The following SPATA13 variants were observed in gnomAD, a reference collection of about 807,000 sequenced individuals.
The protein encoded by SPATA13 is spermatogenesis-associated protein 13.
A neutral mutation model predicts 104.0 loss-of-function variants in SPATA13; 50 were observed. The ratio of observed to expected loss-of-function variants is 0.48; its 90% CI spans 0.38 to 0.61. The LOEUF (loss-of-function observed/expected upper bound fraction) is 0.61, where lower values mean the gene tolerates loss of function less well. SPATA13 is among the 20% of genes least tolerant of loss of function. The pLI is 0.00. For missense variants in SPATA13, 1,524 were observed against 1,690.6 expected (o/e 0.90, Z 1.73); for synonymous variants, 606 against 667.5 (o/e 0.91, Z 1.42).
chr13:24,174,581 A>G (rs530460485), intron 1 of SPATA13, among the ~76,000 whole-genome samples: 1 of 151,496 alleles, frequency 6.6e-6, no homozygotes, highest in South Asian at 2.1e-4. Flanking sequence ...TTTATTTTTT[A>G]TTATCACTTT....
At chr13:24,064,725 G>A (rs966424293) in intron 3 of SPATA13, among the ~76,000 whole-genome samples, 3 of 152,114 alleles carry the variant, frequency 2.0e-5, no homozygotes, top group African/African-American at 7.2e-5. Context: ...TGTTACAGCA[G>A]CCAAACTAAA....
intron 1 of SPATA13, among the ~76,000 whole-genome samples, chr13:24,187,078 A>G (rs967979069): frequency 6.6e-6 from 1 of 152,180 alleles, no homozygotes; most frequent in Non-Finnish European, 1.5e-5. Context: ...ATGACAGCCT[A>G]GCACAAAACT....
rs200561968 is a variant in SPATA13 at position 24,294,881 on chromosome 13, C to T, written c.3210+13C>T. 513 of 1,599,538 alleles carry T rather than the reference C, an allele frequency of 3.2e-4. 2 individuals are homozygous for T. Among genetic ancestry groups the T allele is most frequent in the South Asian group, 8.8e-4 (80 of 90,694 alleles). ...CGTGGGCTGGGAGGTAAGTGGAAAG[C>T]ACCCCACATGATCCCATGCCACTCG... On this transcript the variant is annotated intron_variant, in intron 10 of 12. Coordinates refer to ENST00000382108, the MANE Select transcript of SPATA13 (RefSeq NM_001166271.3).
At chr13:24,188,114 G>GCT (rs531301105) in intron 1 of SPATA13, among the ~76,000 whole-genome samples, 584 of 152,286 alleles carry the variant, frequency 3.8e-3, no homozygotes, top group African/African-American at 0.013. Flanking sequence ...GCCAAGGCGG[G>GCT]CAGATTGCCT....
At chr13:24,041,449 A>G (rs1372271921) in intron 3 of SPATA13, among the ~76,000 whole-genome samples, 5 of 152,370 alleles carry the variant, frequency 3.3e-5, no homozygotes, top group African/African-American at 1.2e-4. Flanking sequence ...TCACATGTAA[A>G]TAGAAATCTC....
intron 3 of SPATA13, among the ~76,000 whole-genome samples, chr13:24,082,821 C>T (rs893116231): frequency 1.8e-4 from 12 of 65,290 alleles, no homozygotes; most frequent in African/African-American, 6.5e-4. Flanking sequence ...AGCGAGACTC[C>T]GTCTCAAAAA....
chr13:24,030,517 T>C (rs1057440497), intron 3 of SPATA13, among the ~76,000 whole-genome samples: 1 of 152,132 alleles, frequency 6.6e-6, no homozygotes, highest in African/African-American at 2.4e-5. Context: ...TTCTTTTCCC[T>C]AATCTCCTGC....
intron 8 of SPATA13, 148 bp from the exon 9 acceptor site, chr13:24,290,504 C>G: frequency 1.5e-6 from 1 of 658,574 alleles, no homozygotes; most frequent in Non-Finnish European, 2.7e-6. Flanking sequence ...AGCTTGGGTG[C>G]CAGCGGATTT....
chr13:24,208,926 G>C (rs1406817727), intron 1 of SPATA13, among the ~76,000 whole-genome samples: 1 of 152,290 alleles, frequency 6.6e-6, no homozygotes, highest in South Asian at 2.1e-4. Context: ...TTTATAATCT[G>C]AATTTTACCA....
chr13:24,000,813 C>T (rs565928959), intron 2 of SPATA13, among the ~76,000 whole-genome samples: 5 of 151,856 alleles, frequency 3.3e-5, no homozygotes, highest in Admixed American at 6.6e-5. Flanking sequence ...GGTTTGAATT[C>T]GGGAGAACCC....
rs115796734 is a variant in SPATA13, at chr13:24,143,247, C to T, written c.-111-79572C>T. On this transcript the variant is annotated intron_variant, in intron 3 of 14. Transcript: ENST00000424834. ...GTGGGCAGGAAGCAGGAAGTCTAGA[C>T]GGAAGCCCCTGGTGTTTAAGGCAAC... is the stretch of plus-strand genomic sequence containing the variant. Among the ~76,000 whole-genome samples the T allele has an allele frequency of 2.9e-3, 442 of 152,270 alleles. 5 individuals carry two copies. The highest frequency in any genetic ancestry group is 9.8e-3 in the African/African-American group (409 of 41,558).
Position 24,011,358 on chromosome 13 carries a change from G to T in SPATA13, c.-146-6309G>T, listed in dbSNP as rs1464693958. 1.3e-5 allele frequency among the ~76,000 whole-genome samples: 2 copies of T among 152,164 alleles called. No individual in the cohort carries two copies. Among genetic ancestry groups the T allele is most frequent in the African/African-American group, 4.8e-5 (2 of 41,430 alleles). ...CATGCTGTCTCACGTTCCGCAGCTG[G>T]TCTGGGCCCAAGTGCTGAGGACTCA... On this transcript the variant is annotated intron_variant, in intron 2 of 14. Transcript: ENST00000424834. The surrounding 1 kb of genome is among the most constrained non-coding windows in gnomAD (Gnocchi z 4.3).
chr13:24,052,224 C>T (rs1392931899), intron 3 of SPATA13, among the ~76,000 whole-genome samples: 2 of 152,162 alleles, frequency 1.3e-5, no homozygotes, highest in African/African-American at 4.8e-5. Context: ...TTGGTTATCA[C>T]TAAGAATCAG....
In SPATA13 at chr13:24,304,432, A is replaced by G. The variant is rs1364015125; in HGVS notation, c.*1659A>G. 6.6e-6 allele frequency: 1 copy of G among 151,964 alleles called. No homozygotes were observed. Among genetic ancestry groups the G allele is most frequent in the Non-Finnish European group, 1.5e-5 (1 of 67,990 alleles). 9.4% of individuals were successfully genotyped at this position (151,964 alleles called of 1,614,324 possible). On this transcript the variant is annotated 3_prime_UTR_variant, in exon 13 of 13. Coordinates refer to ENST00000382108, the MANE Select transcript of SPATA13 (RefSeq NM_001166271.3). ...ACTGTTAATGGATATCTATATGAGA[A>G]GCTCATTTTTGTATGCTATCCCTGC...
intron 3 of SPATA13, among the ~76,000 whole-genome samples, chr13:24,110,370 A>G (rs1880599507): frequency 6.6e-6 from 1 of 152,136 alleles, no homozygotes; most frequent in South Asian, 2.1e-4. Flanking sequence ...AATGAGGACA[A>G]ACCTTGGGAG....
At chr13:24,176,775 T>C (rs1012440718) in intron 1 of SPATA13, among the ~76,000 whole-genome samples, 8 of 152,206 alleles carry the variant, frequency 5.3e-5, no homozygotes, top group Non-Finnish European at 8.8e-5. Flanking sequence ...GATCACAAGT[T>C]CATGCTGTAG....
chr13:24,150,403 C>T (rs759753626), intron 3 of SPATA13, among the ~76,000 whole-genome samples: 5 of 152,160 alleles, frequency 3.3e-5, no homozygotes, highest in African/African-American at 4.8e-5. Context: ...GAGATGTCAC[C>T]GACTGGCATG....
intron 2 of SPATA13, among the ~76,000 whole-genome samples, chr13:24,247,478 C>CCTTTTTTTT (rs1375500120): frequency 3.9e-4 from 34 of 87,116 alleles, no homozygotes; most frequent in African/African-American, 1.2e-3. Context: ...TCCACATTCA[C>CCTTTTTTTT]TTTTTTTTTT....
At chr13:24,274,053 C>A (rs1400553288) in intron 4 of SPATA13, among the ~76,000 whole-genome samples, 1 of 152,080 alleles carries the variant, frequency 6.6e-6, no homozygotes, top group East Asian at 1.9e-4. Flanking sequence ...GAAAGTTGCT[C>A]CAGGCGGAGA....
Sources: gnomAD v4.1 joint callset for allele counts (sites outside exome capture counted in the v4.1 genomes callset) on GRCh38, gnomAD v4.1.1 for gene constraint, Gnocchi (gnomAD v3.1) non-coding constraint, MANE v1.5 for transcripts, NCBI Gene and HGNC (gene_info 2026-07-23, HGNC 2026-07-21) for gene names.